The following CALN1 variants were observed in gnomAD, a reference collection of about 807,000 sequenced individuals.
CALN1 encodes calcium-binding protein 8.
CALN1 carries 17 observed loss-of-function variants against 30.6 expected under a neutral mutation model. That is an observed-to-expected ratio of 0.56 (90% CI 0.38 to 0.83). CALN1 has a LOEUF of 0.83. Ranked by LOEUF, CALN1 falls within the 40% of genes least tolerant of loss-of-function variation. The pLI is 0.00. For synonymous variants in CALN1, 156 were observed against 131.4 expected (o/e 1.19, Z -1.28); for missense variants, 291 against 354.9 (o/e 0.82, Z 1.45).
intron 5 of CALN1, among the ~76,000 whole-genome samples, chr7:71,838,222 T>C (rs1418889143): frequency 6.6e-6 from 1 of 152,186 alleles, no homozygotes; most frequent in African/African-American, 2.4e-5. Flanking sequence ...CAACTGGAAA[T>C]GAAAAAATGA....
intron 2 of CALN1, among the ~76,000 whole-genome samples, chr7:72,281,637 T>G (rs1314270271): frequency 6.6e-6 from 1 of 152,230 alleles, no homozygotes; most frequent in Non-Finnish European, 1.5e-5. Flanking sequence ...TCTGTTCTTA[T>G]CTAATTCACT....
At chr7:72,071,455 C>A (rs1373940094) in intron 4 of CALN1, among the ~76,000 whole-genome samples, 2 of 151,916 alleles carry the variant, frequency 1.3e-5, no homozygotes, top group East Asian at 3.9e-4. Context: ...AGTCAGACAT[C>A]AAAGACTAAG....
intron 2 of CALN1, chr7:72,337,359 C>T (rs1802135598): frequency 2.2e-6 from 2 of 929,298 alleles, no homozygotes; most frequent in Non-Finnish European, 2.6e-6. Context: ...TCCAATGGCT[C>T]CCTCGGTTTC....
At chr7:71,875,153 T>A (rs1232663895) in intron 5 of CALN1, among the ~76,000 whole-genome samples, 3 of 101,784 alleles carry the variant, frequency 2.9e-5, no homozygotes, top group African/African-American at 1.2e-4. Flanking sequence ...TAAAGGAGAC[T>A]CTGTCTCAAA....
intron 5 of CALN1, among the ~76,000 whole-genome samples, chr7:71,861,178 GGTGTGTGTGTGTGCGT>G (rs1275978101): frequency 6.6e-6 from 1 of 151,274 alleles, no homozygotes; most frequent in African/African-American, 2.4e-5. Context: ...TGTGGTGTGG[GGTGTGTGTGTGTGCGT>G]GTGTGTGTGT....
intron 3 of CALN1, among the ~76,000 whole-genome samples, chr7:72,264,772 C>G (rs551169634): frequency 4.6e-5 from 7 of 152,096 alleles, no homozygotes; most frequent in African/African-American, 1.4e-4. Flanking sequence ...AGGGTTATTT[C>G]GTCACCCAGG....
At chr7:72,247,985 A>AGG (rs1465958210) in intron 3 of CALN1, among the ~76,000 whole-genome samples, 2 of 152,214 alleles carry the variant, frequency 1.3e-5, no homozygotes, top group Admixed American at 1.3e-4. Flanking sequence ...CAACACAGTG[A>AGG]GGCTCTGTCT....
intron 3 of CALN1, among the ~76,000 whole-genome samples, chr7:72,180,509 C>T (rs1443236533): frequency 6.8e-6 from 1 of 146,734 alleles, no homozygotes; most frequent in Admixed American, 6.8e-5. Flanking sequence ...TTGACATCTT[C>T]ATACAGAAGG....
intron 2 of CALN1, among the ~76,000 whole-genome samples, chr7:72,391,165 A>G (rs1805555166): frequency 6.6e-6 from 1 of 152,162 alleles, no homozygotes; most frequent in Non-Finnish European, 1.5e-5. Flanking sequence ...TCCCAACCGC[A>G]GAGGCTGGTG....
chr7:72,354,018 C>T (rs1378822918), intron 2 of CALN1, among the ~76,000 whole-genome samples: 2 of 152,128 alleles, frequency 1.3e-5, no homozygotes, highest in South Asian at 2.1e-4. Context: ...GAAATCCCAT[C>T]TCTACTAAAA....
At chr7:72,346,634 G>A (rs1424979636) in intron 2 of CALN1, among the ~76,000 whole-genome samples, 1 of 152,078 alleles carries the variant, frequency 6.6e-6, no homozygotes, top group Non-Finnish European at 1.5e-5. Flanking sequence ...TCCTGCCTCA[G>A]CCTCCCGAGT....
chr7:72,249,792 C>G (rs915307152), intron 3 of CALN1, among the ~76,000 whole-genome samples: 7 of 152,088 alleles, frequency 4.6e-5, no homozygotes, highest in Non-Finnish European at 7.4e-5. Context: ...CAAAAATTAG[C>G]TGGGTGTGGT....
chr7:71,850,173 A>T (rs191339165), intron 5 of CALN1, among the ~76,000 whole-genome samples: 1 of 152,302 alleles, frequency 6.6e-6, no homozygotes, highest in Admixed American at 6.5e-5. Flanking sequence ...TCTATGCCAT[A>T]TATCAAGAGA....
Position 72,374,993 on chromosome 7 carries a change from A to G in CALN1, c.119+28258T>C, listed in dbSNP as rs193012419. Among the ~76,000 whole-genome samples the G allele has an allele frequency of 1.6e-3, 251 of 152,212 alleles. 1 individual carries two copies. The highest frequency in any genetic ancestry group is 5.7e-3 in the African/African-American group (236 of 41,446). ...CCTGTATGTTAAAAAATCAATAAAA[A>G]TTAGTTATTTATACTTACAAAAACT... is the stretch of plus-strand genomic sequence containing the variant. On this transcript the variant is annotated intron_variant, in intron 2 of 6. Coordinates refer to ENST00000395275, the MANE Select transcript of CALN1 (RefSeq NM_031468.4).
the CALN1 span, among the ~76,000 whole-genome samples, chr7:72,485,656 A>G: frequency 6.6e-6 from 1 of 152,156 alleles, no homozygotes; most frequent in Non-Finnish European, 1.5e-5. Flanking sequence ...AGACCACCTG[A>G]GATCAGGAGT....
chr7:72,137,925 T>A (rs554489165), intron 3 of CALN1, among the ~76,000 whole-genome samples: 2 of 152,228 alleles, frequency 1.3e-5, no homozygotes, highest in Non-Finnish European at 2.9e-5. Context: ...TGTGCTCCAA[T>A]GTCTACAATC....
At chr7:72,487,514 C>A in the CALN1 span, among the ~76,000 whole-genome samples, 55 of 151,200 alleles carry the variant, frequency 3.6e-4, no homozygotes, top group African/African-American at 1.3e-3. Context: ...GGTGACACCC[C>A]GTCTCTACTG....
At chr7:71,950,878 A>G (rs1287623890) in intron 5 of CALN1, among the ~76,000 whole-genome samples, 6 of 152,172 alleles carry the variant, frequency 3.9e-5, no homozygotes, top group African/African-American at 1.4e-4. Flanking sequence ...TCTGCACAGA[A>G]TGCCATTCCC....
At chr7:72,355,687 A>T (rs1367719263) in intron 2 of CALN1, among the ~76,000 whole-genome samples, 1 of 152,194 alleles carries the variant, frequency 6.6e-6, no homozygotes, top group African/African-American at 2.4e-5. Context: ...AATTATTCAT[A>T]ATACATATCC....
Sources: gnomAD v4.1 joint callset for allele counts (sites outside exome capture counted in the v4.1 genomes callset) on GRCh38, gnomAD v4.1.1 for gene constraint, MANE v1.5 for transcripts, NCBI Gene and HGNC (gene_info 2026-07-23, HGNC 2026-07-21) for gene names.